Variants in ASB3 observed in about 807,000 individuals in gnomAD.
ASB3 encodes the protein ankyrin repeat and SOCS box containing 3.
A neutral mutation model predicts 54.5 loss-of-function variants in ASB3; 41 were observed. The ratio of observed to expected loss-of-function variants is 0.75; its 90% CI spans 0.59 to 0.98. The LOEUF is 0.98. Among genes scored for constraint, ASB3 ranks in the 50% least tolerant of loss-of-function variants. ASB3 has a pLI of 0.00. For missense variants in ASB3, 733 were observed against 620.0 expected, an observed-to-expected ratio of 1.18 and a Z score of -1.94; for synonymous variants, 266 against 221.2, an observed-to-expected ratio of 1.20 and a Z score of -1.80.
intron 9 of ASB3, among the ~76,000 whole-genome samples, chr2:53,687,703 G>A (rs544174770): frequency 3.3e-5 from 5 of 152,322 alleles, no homozygotes; most frequent in Admixed American, 3.3e-4. Context: ...AAAACTGTAA[G>A]TTAGGGCTTT....
chr2:53,681,465 G>C (rs1388657600), intron 9 of ASB3, among the ~76,000 whole-genome samples: 1 of 152,160 alleles, frequency 6.6e-6, no homozygotes, highest in African/African-American at 2.4e-5. Context: ...GTACTAGAGA[G>C]TTTCCCCAAT....
chr2:53,760,823 C>T (rs1433561440), intron 2 of ASB3, among the ~76,000 whole-genome samples: 2 of 152,158 alleles, frequency 1.3e-5, no homozygotes, highest in Non-Finnish European at 2.9e-5. Flanking sequence ...TATCTTTAAC[C>T]TCCTTGTTAA....
At chr2:53,712,327 T>A (rs1158803863) in intron 7 of ASB3, among the ~76,000 whole-genome samples, 1 of 152,090 alleles carries the variant, frequency 6.6e-6, no homozygotes, top group Non-Finnish European at 1.5e-5. Context: ...TCCTAAAGGA[T>A]CGTGTGTATG....
chr2:53,729,667 A>G, intron 3 of ASB3, 97 bp from the exon 4 acceptor site: 1 of 949,104 alleles, frequency 1.1e-6, no homozygotes, highest in South Asian at 1.4e-5. Flanking sequence ...TCACCTCAGA[A>G]CCACAATGCT....
intron 1 of ASB3, among the ~76,000 whole-genome samples, chr2:53,778,546 C>T (rs1428527287): frequency 6.6e-6 from 1 of 152,190 alleles, no homozygotes; most frequent in Admixed American, 6.5e-5. Context: ...TTCCCCCATG[C>T]CTTCCCTCCA....
chr2:53,763,262 G>T (rs966293324), intron 2 of ASB3, among the ~76,000 whole-genome samples: 1 of 152,184 alleles, frequency 6.6e-6, no homozygotes. Context: ...GGGAGACTGA[G>T]GCAGGAGAAC....
chr2:53,752,496 C>T lies in ASB3; in HGVS notation c.197-1555G>A, dbSNP rs545318348. 7.2e-5 allele frequency among the ~76,000 whole-genome samples: 11 copies of T among 152,358 alleles called. No homozygotes were observed. The South Asian group carries it at 1.9e-3, about 26-fold the overall frequency. Reference sequence around the variant, plus strand: ...AAGGTGAGAATTCCCAGTGGCTTCACCCCATTCTTCCAGTGCACAGGCAGC... The same window carrying T: ...AAGGTGAGAATTCCCAGTGGCTTCATCCCATTCTTCCAGTGCACAGGCAGC... On this transcript the variant is annotated intron_variant, in intron 2 of 9. Coordinates refer to ENST00000263634, the MANE Select transcript of ASB3 (RefSeq NM_016115.5).
intron 5 of ASB3, among the ~76,000 whole-genome samples, chr2:53,725,780 T>C (rs1670960628): frequency 6.6e-6 from 1 of 152,090 alleles, no homozygotes; most frequent in East Asian, 1.9e-4. Context: ...ACACAAATGG[T>C]AAATTAAAGA....
At chr2:53,688,830 T>C (rs1668763836) in intron 9 of ASB3, among the ~76,000 whole-genome samples, 2 of 152,028 alleles carry the variant, frequency 1.3e-5, no homozygotes, top group Admixed American at 6.6e-5. Flanking sequence ...AAATACCTAA[T>C]GTAGAAGATG....
At chr2:53,706,681 G>A (rs922683132) in intron 7 of ASB3, among the ~76,000 whole-genome samples, 13 of 152,160 alleles carry the variant, frequency 8.5e-5, no homozygotes, top group Non-Finnish European at 1.6e-4. Context: ...TCCTGACCTC[G>A]TGATCCGCCC....
chr2:53,709,615 C>G (rs1669978995), intron 7 of ASB3, among the ~76,000 whole-genome samples: 1 of 152,320 alleles, frequency 6.6e-6, no homozygotes, highest in Non-Finnish European at 1.5e-5. Flanking sequence ...TTGATCATTA[C>G]TGAATATGAA....
At chr2:53,742,968 A>G (rs1397049811) in intron 3 of ASB3, among the ~76,000 whole-genome samples, 1 of 152,174 alleles carries the variant, frequency 6.6e-6, no homozygotes, top group African/African-American at 2.4e-5. Flanking sequence ...GAAAACTGAT[A>G]AGGAATGGAC....
intron 2 of ASB3, among the ~76,000 whole-genome samples, chr2:53,756,560 C>A (rs894386682): frequency 2.0e-4 from 31 of 152,132 alleles, no homozygotes; most frequent in African/African-American, 6.8e-4. Context: ...AATCAGCAGA[C>A]TGAATAAACA....
intron 2 of ASB3, among the ~76,000 whole-genome samples, chr2:53,764,933 A>T (rs1345969182): frequency 6.6e-6 from 1 of 152,258 alleles, no homozygotes; most frequent in Non-Finnish European, 1.5e-5. Flanking sequence ...GAAGGCAGGC[A>T]TCTTGTTTCA....
chr2:53,758,762 G>C (rs1672977664), intron 2 of ASB3, among the ~76,000 whole-genome samples: 1 of 152,198 alleles, frequency 6.6e-6, no homozygotes, highest in African/African-American at 2.4e-5. Flanking sequence ...GGACGCTCTA[G>C]TCCTCTGGGA....
intron 9 of ASB3, among the ~76,000 whole-genome samples, chr2:53,692,690 G>A (rs921553629): frequency 6.6e-6 from 1 of 152,098 alleles, no homozygotes; most frequent in Non-Finnish European, 1.5e-5. Flanking sequence ...TCGATATGTA[G>A]CAATAATTTT....
chr2:53,707,961 CA>C (rs199571236), intron 7 of ASB3, among the ~76,000 whole-genome samples: 46,148 of 113,438 alleles, frequency 0.41, 7,622 homozygotes, highest in East Asian at 0.63. Context: ...GACTCTGTCT[CA>C]AAAAAAAAAA....
chr2:53,704,861 T>C lies in ASB3; in HGVS notation c.981-4333A>G, dbSNP rs188791693. Among the ~76,000 whole-genome samples the C allele has an allele frequency of 2.8e-4, 43 of 152,344 alleles. No homozygotes were observed. The Middle Eastern group carries it at 0.014, about 48-fold the overall frequency. On this transcript the variant is annotated intron_variant, in intron 7 of 9. Transcript: ENST00000263634. ...CCTGTGCTTCATGTTGTCTTTATTC[T>C]ATCTGATCACTTATGAAAACTCTCT...
At chr2:53,731,894 C>G (rs1558546068) in intron 3 of ASB3, among the ~76,000 whole-genome samples, 1 of 152,154 alleles carries the variant, frequency 6.6e-6, no homozygotes, top group African/African-American at 2.4e-5. Context: ...CTCAGGTGAT[C>G]CACCAGCCTC....
Sources: gnomAD v4.1 joint callset for allele counts (sites outside exome capture counted in the v4.1 genomes callset) on GRCh38, gnomAD v4.1.1 for gene constraint, MANE v1.5 for transcripts, NCBI Gene and HGNC (gene_info 2026-07-23, HGNC 2026-07-21) for gene names.